The following ZMAT1 variants were observed in gnomAD, a reference collection of about 807,000 sequenced individuals.
ZMAT1 encodes zinc finger matrin-type protein 1.
Under a neutral mutation model 18.5 loss-of-function variants are expected in ZMAT1, and 11 were observed. The ratio of observed to expected loss-of-function variants is 0.59; its 90% CI spans 0.37 to 0.98. The LOEUF (loss-of-function observed/expected upper bound fraction) is 0.98. Among genes scored for constraint, ZMAT1 ranks in the 50% least tolerant of loss-of-function variants. The pLI, the probability that ZMAT1 is intolerant of heterozygous loss-of-function variation, is 0.01. For synonymous variants in ZMAT1, 211 were observed against 176.4 expected (o/e 1.20, Z -1.55); for missense variants, 525 against 496.2 (o/e 1.06, Z -0.55).
intron 1 of ZMAT1, among the ~76,000 whole-genome samples, chrX:101,907,492 C>A (rs1020155106): frequency 8.9e-6 from 1 of 112,369 alleles, no homozygotes; most frequent in Non-Finnish European, 1.9e-5. Context: ...CCTTACGTTT[C>A]TTTAAATGTG....
chrX:101,930,541 A>G (rs1438208242), intron 1 of ZMAT1, among the ~76,000 whole-genome samples: 1 of 112,429 alleles, frequency 8.9e-6, no homozygotes, highest in African/African-American at 3.2e-5. Context: ...ACACAGGGAT[A>G]TATCATTTAA....
Position 101,931,901 on chromosome X carries a change from CGCT to C in ZMAT1, c.105_107del (p.Ala44del), listed in dbSNP as rs1248281934. The C allele has an allele frequency of 1.3e-5, 10 of 796,006 alleles. No individual in the cohort carries two copies. Among genetic ancestry groups the C allele is most frequent in the Middle Eastern group, 6.6e-4 (1 of 1,504 alleles). 65.6% of individuals were successfully genotyped at this position (796,006 alleles called of 1,213,427 possible). A position where few individuals can be genotyped will look rare whatever the true frequency, so the allele number is the denominator to read the frequency against. ...CTGCCGCCGCCGCCGCCGCCGCCGC[CGCT>C]GCCGCGCAGGCGGTGTAGGAGGAGG... On this transcript the variant is annotated inframe_deletion, in exon 1 of 6. Coordinates refer to ENST00000651725, the MANE Select transcript of ZMAT1 (RefSeq NM_001394560.1).
Position 101,884,649 on chromosome X carries a change from C to T in ZMAT1, c.949G>A (p.Asp317Asn), listed in dbSNP as rs140202441. 42 of 1,208,912 alleles carry T rather than the reference C, an allele frequency of 3.5e-5. No homozygotes were observed. The highest frequency in any genetic ancestry group is 4.4e-5 in the Admixed American group (2 of 45,584). ...LETRRYREVV[D>N]SRPRHRMFEQ... The stretch of plus-strand genomic sequence containing the variant: ...AACATTCTATGTCTGGGTCTGGAAT[C>T]GACCACTTCTCTGTATCTACGGGTT... The change falls in exon 6 of 6, where the codon GAT becomes AAT. Residue 317 changes from aspartate (D) to asparagine (N), a missense_variant. Asp to Asn is a conservative substitution (Grantham distance 23). Coordinates refer to ENST00000651725, the MANE Select transcript of ZMAT1 (RefSeq NM_001394560.1).
chrX:101,914,473 CAAG>C (rs772332486), intron 1 of ZMAT1, among the ~76,000 whole-genome samples: 2 of 110,386 alleles, frequency 1.8e-5, no homozygotes, highest in Admixed American at 1.9e-4. Context: ...AGAAAAAAAG[CAAG>C]AAGATCCAAA....
At chrX:101,890,361 G>A (rs1927290326) in intron 4 of ZMAT1, 1 of 111,981 alleles carries the variant, frequency 8.9e-6, no homozygotes. Context: ...GAGAAAGGGA[G>A]AACACAAAGA....
chrX:101,899,507 C>A (rs183394918), intron 2 of ZMAT1, among the ~76,000 whole-genome samples: 28 of 111,630 alleles, frequency 2.5e-4, no homozygotes, highest in African/African-American at 9.1e-4. Context: ...CATTCTTATG[C>A]CTTGCATCCT....
At chrX:101,926,942 A>C (rs1034311900) in intron 1 of ZMAT1, among the ~76,000 whole-genome samples, 1 of 112,362 alleles carries the variant, frequency 8.9e-6, no homozygotes, top group Non-Finnish European at 1.9e-5. Context: ...GATTCGTTGT[A>C]TACCCTATTT....
intron 4 of ZMAT1, chrX:101,887,977 A>G (rs1197209622): frequency 1.8e-5 from 2 of 111,656 alleles, no homozygotes; most frequent in African/African-American, 6.5e-5. Context: ...TGACAATACA[A>G]TAACTTAAAG....
At chrX:101,888,324 G>A (rs553881949) in intron 4 of ZMAT1, 2 of 111,075 alleles carry the variant, frequency 1.8e-5, no homozygotes, top group Admixed American at 9.6e-5. Context: ...TAGGAAATTC[G>A]TACCATCTTT....
rs1277423876 is a variant in ZMAT1, at chrX:101,884,695, C to A, written c.903G>T (p.Lys301Asn). ...RGLEAKTCFR[K>N]MEESSLETRR... ...GGGTTTCCAAAGAACTCTCTTCCAT[C>A]TTTCTGAAACAAGTCTTGGCCTCTA... Residue 301 changes from lysine to asparagine, a missense_variant, in exon 6 of 6, where the codon AAG becomes AAT. Lys to Asn is a moderately conservative substitution (Grantham distance 94). Coordinates refer to ENST00000651725, the MANE Select transcript of ZMAT1 (RefSeq NM_001394560.1). The A allele has an allele frequency of 8.3e-7, 1 of 1,208,826 alleles. No individual in the cohort carries two copies. The highest frequency in any genetic ancestry group is 1.8e-5 in the African/African-American group (1 of 57,032).
At chrX:101,905,665 G>A (rs1320457233) in intron 1 of ZMAT1, among the ~76,000 whole-genome samples, 2 of 111,635 alleles carry the variant, frequency 1.8e-5, no homozygotes, top group East Asian at 5.6e-4. Flanking sequence ...ACTCTGGTAG[G>A]TAGGCCTAGA....
At chrX:101,893,335 G>A (rs1321608300) in intron 4 of ZMAT1, among the ~76,000 whole-genome samples, 7 of 111,199 alleles carry the variant, frequency 6.3e-5, no homozygotes, top group Non-Finnish European at 1.3e-4. Context: ...CTAGCAACAG[G>A]AAAAATACCT....
At chrX:101,924,883 G>A (rs1929959487) in intron 1 of ZMAT1, among the ~76,000 whole-genome samples, 1 of 111,913 alleles carries the variant, frequency 8.9e-6, no homozygotes, top group Admixed American at 9.5e-5. Flanking sequence ...TGACCTATAC[G>A]TACAGAGTTT....
chrX:101,914,235 A>C (rs1227288435), intron 1 of ZMAT1, among the ~76,000 whole-genome samples: 1 of 111,259 alleles, frequency 9.0e-6, no homozygotes, highest in African/African-American at 3.3e-5. Flanking sequence ...TCTACATTTA[A>C]AAAGAGTTTA....
chrX:101,916,935 T>C (rs1929374406), intron 1 of ZMAT1, among the ~76,000 whole-genome samples: 1 of 111,812 alleles, frequency 8.9e-6, no homozygotes, highest in Non-Finnish European at 1.9e-5. Context: ...GGACATAATC[T>C]GGGGAAAAGA....
At chrX:101,911,597 C>T in intron 1 of ZMAT1, 1 of 1,164,720 alleles carries the variant, frequency 8.6e-7, no homozygotes. Context: ...TGTAGCAAGG[C>T]ATTCAGTCAC....
rs139630778 is a variant in ZMAT1 at position 101,918,958 on chromosome X, G to A, written c.292+12759C>T. On this transcript the variant is annotated intron_variant, in intron 1 of 5. Transcript: ENST00000651725. ...AATACTAGTGCTCCTATAACTTTTC[G>A]TTTAGAATGGTGTTGCCTAGACTTA... 5.1e-3 allele frequency among the ~76,000 whole-genome samples: 562 copies of A among 110,306 alleles called. 2 individuals are homozygous for A. The highest frequency in any genetic ancestry group is 0.017 in the African/African-American group (508 of 30,302).
intron 4 of ZMAT1, chrX:101,886,993 CCCT>C (rs1190355042): frequency 4.8e-6 from 1 of 210,052 alleles, no homozygotes; most frequent in East Asian, 8.9e-5. Context: ...TTAACTTCTT[CCCT>C]AAGAATCTGC....
intron 4 of ZMAT1, among the ~76,000 whole-genome samples, chrX:101,892,114 T>C (rs1045468256): frequency 1.8e-5 from 2 of 110,674 alleles, no homozygotes; most frequent in African/African-American, 6.6e-5. Context: ...GATATAGGTT[T>C]AAAATTGTCG....
Sources: allele counts gnomAD v4.1 joint callset (sites outside exome capture counted in the v4.1 genomes callset), GRCh38; gene constraint gnomAD v4.1.1; transcripts MANE v1.5; gene names NCBI Gene and HGNC (gene_info 2026-07-23, HGNC 2026-07-21).